The following EPB41 variants were observed in gnomAD, a reference collection of about 807,000 sequenced individuals.
EPB41 encodes the protein protein 4.1.
Under a neutral mutation model 108.0 loss-of-function variants are expected in EPB41, and 65 were observed. The ratio of observed to expected loss-of-function variants is 0.60; its 90% CI spans 0.49 to 0.74. EPB41 has a LOEUF of 0.74. Ranked by LOEUF, EPB41 falls within the 30% of genes least tolerant of loss-of-function variation. The probability of loss-of-function intolerance (pLI) is 0.00; values close to 1 mark genes in which losing one functional copy is unlikely to be tolerated. For missense variants in EPB41, 875 were observed against 1,037.0 expected (o/e 0.84, Z 2.15); for synonymous variants, 336 against 358.9 (o/e 0.94, Z 0.72).
At chr1:29,104,913 G>A (rs371574085) in intron 17 of EPB41, among the ~76,000 whole-genome samples, 3 of 151,264 alleles carry the variant, frequency 2.0e-5, no homozygotes, top group East Asian at 2.0e-4. Context: ...TTGTACACAC[G>A]GGACTCACTT....
At chr1:29,110,756 T>C (rs1475023331) in intron 18 of EPB41, among the ~76,000 whole-genome samples, 1 of 152,208 alleles carries the variant, frequency 6.6e-6, no homozygotes, top group Non-Finnish European at 1.5e-5. Flanking sequence ...AAGAGAAATC[T>C]ACTCACCCTC....
At chr1:29,062,356 T>G (rs1285573742) in intron 15 of EPB41, among the ~76,000 whole-genome samples, 2 of 152,250 alleles carry the variant, frequency 1.3e-5, no homozygotes, top group Non-Finnish European at 2.9e-5. Context: ...TGAGGTGTGT[T>G]ATGGCTTCTG....
rs150068936 is a variant in EPB41 at position 29,027,488 on chromosome 1, C to T, written c.1125-2912C>T. ...CTGGGATTACAGGCATGTGCCACCA[C>T]GCCCGGCTAATTTTGTACTTTTAGT... On this transcript the variant is annotated intron_variant, in intron 7 of 20. Coordinates refer to ENST00000343067, the MANE Select transcript of EPB41 (RefSeq NM_001376013.1). Among the ~76,000 whole-genome samples the T allele has an allele frequency of 8.4e-3, 1,282 of 152,010 alleles. 11 individuals are homozygous for T. Among genetic ancestry groups the T allele is most frequent in the South Asian group, 0.017 (84 of 4,802 alleles).
chr1:28,974,152 C>T (rs192391721), intron 1 of EPB41, among the ~76,000 whole-genome samples: 99 of 152,178 alleles, frequency 6.5e-4, no homozygotes, highest in Admixed American at 3.9e-3. Flanking sequence ...TGCTCAGAAC[C>T]GAATGTAAGA....
At chr1:29,109,473 G>A (rs1285151381) in intron 18 of EPB41, 36 bp downstream of exon 18, 1 of 1,578,808 alleles carries the variant, frequency 6.3e-7, no homozygotes, top group Non-Finnish European at 8.7e-7. Flanking sequence ...ATGGAACCCA[G>A]GGGCAGGCTA....
chr1:28,958,915 G>T (rs2149095255), intron 1 of EPB41, among the ~76,000 whole-genome samples: 1 of 152,082 alleles, frequency 6.6e-6, no homozygotes, highest in South Asian at 2.1e-4. Context: ...AGATGTCTAG[G>T]TATAGGGATT....
rs575678793 is a variant in EPB41, at chr1:28,932,120, G to A, written c.-8+17352G>A. ...TTCAACTAGAAACTTGTAGTGTTTT[G>A]TTTTGTTTTTTGTTTTTTTTGAAAT... is the stretch of plus-strand genomic sequence containing the variant. On this transcript the variant is annotated intron_variant, in intron 1 of 20. Coordinates refer to ENST00000343067, the MANE Select transcript of EPB41 (RefSeq NM_001376013.1). Among the ~76,000 whole-genome samples the A allele has an allele frequency of 3.3e-5, 5 of 151,974 alleles. No homozygotes were observed. The South Asian group carries it at 1.0e-3, about 32-fold the overall frequency.
chr1:28,942,943 C>T (rs919069724), intron 1 of EPB41, among the ~76,000 whole-genome samples: 1 of 152,146 alleles, frequency 6.6e-6, no homozygotes, highest in Admixed American at 6.6e-5. Flanking sequence ...CTTACTGTAT[C>T]ACAATATCAT....
intron 12 of EPB41, chr1:29,054,104 A>G (rs1049131023): frequency 6.6e-6 from 1 of 152,232 alleles, no homozygotes; most frequent in African/African-American, 2.4e-5. Context: ...AAAAAGGAGA[A>G]GATTCATTAT....
intron 16 of EPB41, among the ~76,000 whole-genome samples, chr1:29,092,637 A>G (rs1256531764): frequency 6.6e-6 from 1 of 151,978 alleles, no homozygotes; most frequent in African/African-American, 2.4e-5. Context: ...TTTACAGATT[A>G]TTTTGTCACC....
chr1:28,926,214 T>C (rs1252243645), intron 1 of EPB41, among the ~76,000 whole-genome samples: 1 of 151,824 alleles, frequency 6.6e-6, no homozygotes, highest in East Asian at 1.9e-4. Flanking sequence ...AAATTACAAT[T>C]CAAGATGAGA....
intron 1 of EPB41, among the ~76,000 whole-genome samples, chr1:28,955,024 A>G (rs1292139945): frequency 1.3e-5 from 2 of 152,222 alleles, no homozygotes; most frequent in Non-Finnish European, 2.9e-5. Context: ...AGCTGGAGCC[A>G]TTATTCAGTC....
chr1:29,026,202 A>AGATT (rs1364313758), intron 7 of EPB41, among the ~76,000 whole-genome samples: 3 of 152,198 alleles, frequency 2.0e-5, no homozygotes, highest in African/African-American at 7.2e-5. Flanking sequence ...TTATATGATT[A>AGATT]TACAGAGGGA....
At chr1:29,110,741 C>A (rs536339090) in intron 18 of EPB41, among the ~76,000 whole-genome samples, 9 of 152,256 alleles carry the variant, frequency 5.9e-5, no homozygotes, top group African/African-American at 2.2e-4. Context: ...TCCTCATCTA[C>A]CAGAAAGAGA....
At chr1:29,026,902 G>C (rs1023774944) in intron 7 of EPB41, among the ~76,000 whole-genome samples, 1 of 151,902 alleles carries the variant, frequency 6.6e-6, no homozygotes, top group African/African-American at 2.4e-5. Flanking sequence ...GATCAGCCTG[G>C]CCAATATGGT....
Position 29,117,157 on chromosome 1 carries a change from G to A in EPB41, c.*345G>A, listed in dbSNP as rs1014900593. 3 of 152,130 alleles carry A rather than the reference G, an allele frequency of 2.0e-5. No homozygotes were observed. The highest frequency in any genetic ancestry group is 1.3e-4 in the Admixed American group (2 of 15,250). 9.4% of individuals were successfully genotyped at this position (152,130 alleles called of 1,614,324 possible). A position where few individuals can be genotyped will look rare whatever the true frequency, so the allele number is the denominator to read the frequency against. On this transcript the variant is annotated 3_prime_UTR_variant, in exon 21 of 21. Coordinates refer to ENST00000343067, the MANE Select transcript of EPB41 (RefSeq NM_001376013.1). ...TTCCAACCCCAACAGACACTGACAG[G>A]GTCCATGGAATTCTTCGGGAAATCC... is the stretch of plus-strand genomic sequence containing the variant.
intron 1 of EPB41, among the ~76,000 whole-genome samples, chr1:28,941,810 C>T (rs1183493504): frequency 1.4e-5 from 2 of 146,332 alleles, no homozygotes; most frequent in Non-Finnish European, 3.0e-5. Flanking sequence ...GGGAGAATCG[C>T]TTGAACACAG....
chr1:28,999,422 A>G (rs2096252755), intron 4 of EPB41, among the ~76,000 whole-genome samples: 1 of 152,178 alleles, frequency 6.6e-6, no homozygotes. Context: ...TACTCTGAAA[A>G]GTGTTTTATG....
Position 29,033,261 on chromosome 1 carries a change from T to A in EPB41, c.1365+16T>A, listed in dbSNP as rs866005938. The A allele has an allele frequency of 1.2e-6, 2 of 1,613,348 alleles. No homozygotes were observed. The highest frequency in any genetic ancestry group is 1.7e-4 in the Middle Eastern group (1 of 6,058). On this transcript the variant is annotated intron_variant, in intron 9 of 20. Coordinates refer to ENST00000343067, the MANE Select transcript of EPB41 (RefSeq NM_001376013.1). The stretch of plus-strand genomic sequence containing the variant: ...GCCTGGAGAGGTACAGAATTTATAT[T>A]TCCTTCCTCCCAAACCAGACACAGT...
Sources: allele counts gnomAD v4.1 joint callset (sites outside exome capture counted in the v4.1 genomes callset), GRCh38; gene constraint gnomAD v4.1.1; transcripts MANE v1.5; gene names NCBI Gene and HGNC (gene_info 2026-07-23, HGNC 2026-07-21).